LMBR1L: variants seen among roughly 807,000 people sequenced by gnomAD.
The protein encoded by LMBR1L is limb development membrane protein 1 like.
Under a neutral mutation model 67.3 loss-of-function variants are expected in LMBR1L, and 47 were observed. The ratio of observed to expected loss-of-function variants is 0.70; its 90% confidence interval spans 0.55 to 0.89. The LOEUF (loss-of-function observed/expected upper bound fraction) is 0.89, where lower values mean the gene tolerates loss of function less well. Ranked by LOEUF, LMBR1L falls within the 40% of genes least tolerant of loss-of-function variation. The pLI is 0.00. For synonymous variants in LMBR1L, 247 were observed against 250.3 expected, an observed-to-expected ratio of 0.99 and a Z score of 0.13; for missense variants, 533 against 599.2, an observed-to-expected ratio of 0.89 and a Z score of 1.15.
In LMBR1L at chr12:49,104,742, ACAC is replaced by A. The variant is rs1429722478; in HGVS notation, c.331+1_331+3del. 6.2e-7 allele frequency: 1 copy of A among 1,613,288 alleles called. No individual in the cohort carries two copies. The highest frequency in any genetic ancestry group is 1.1e-5 in the South Asian group (1 of 90,898). On this transcript the variant is annotated splice_donor_variant and splice_donor_region_variant and intron_variant, in intron 4 of 16. Transcript: ENST00000267102. LOFTEE classifies it high-confidence loss of function. ...ACCCCAAGCAGCTTCCAGGAGCCAC[ACAC>A]CATGGATGAGGGAGCCGTTGAGCCA...
chr12:49,104,842 C>T lies in LMBR1L; in HGVS notation c.235G>A (p.Val79Ile), dbSNP rs1463181262. Reference sequence around the variant, plus strand: ...ATGATGGAGAAGGGCAGGAGCAGGACAGCACCCAGGGCAATTGCCAGGGTA... The same window carrying T: ...ATGATGGAGAAGGGCAGGAGCAGGATAGCACCCAGGGCAATTGCCAGGGTA... The part of the protein sequence containing the change: ...TFTLAIALGA[V>I]LLLPFSIISN... The change falls in exon 4 of 17, where the codon GTC (valine) becomes ATC (isoleucine). Residue 79 changes from valine to isoleucine, a missense_variant. This residue lies in a region of LMBR1L where 246 missense variants were observed against 249.0 expected (regional missense o/e 0.99). Transcript: ENST00000267102. 2 of 1,613,640 alleles carry T rather than the reference C, an allele frequency of 1.2e-6. No homozygotes were observed. Among genetic ancestry groups the T allele is most frequent in the Non-Finnish European group, 8.5e-7 (1 of 1,179,846 alleles).
At chr12:49,106,806 C>T in intron 2 of LMBR1L, 155 bp downstream of exon 2, 1 of 840,834 alleles carries the variant, frequency 1.2e-6, no homozygotes, top group South Asian at 1.4e-5. Context: ...GCCGCCCTTG[C>T]CCCTATCTTG....
Position 49,103,808 on chromosome 12 carries a change from G to T in LMBR1L, c.441C>A (p.Val147=), listed in dbSNP as rs372035817. The T allele has an allele frequency of 6.2e-7, 1 of 1,611,960 alleles. No homozygotes were observed. Among genetic ancestry groups the T allele is most frequent in the African/African-American group, 1.3e-5 (1 of 74,870 alleles). Residue 147 remains valine (V), a synonymous_variant, in exon 6 of 17, where the codon GTC becomes GTA. Coordinates refer to ENST00000267102, the MANE Select transcript of LMBR1L (RefSeq NM_018113.4). ...CCACTGTCTCATAGACCCGGCCCAG[G>T]ACACCCTACGGGAGGAGGCAACCAG... ...SEGFAGSRKG[V]LGRVYETVVM... is the part of the protein sequence containing the mutation.
rs750408798 is a variant in LMBR1L, at chr12:49,097,721, A to C, written c.1421T>G (p.Leu474Arg). The C allele has an allele frequency of 1.9e-6, 3 of 1,613,852 alleles. No individual in the cohort carries two copies. In the Admixed American group the frequency reaches 5.0e-5, roughly 27 times the overall value. Residue 474 changes from leucine to arginine, a missense_variant, in exon 17 of 17, where the codon CTG (leucine) becomes CGG (arginine). By Grantham distance (102) the Leu-to-Arg change is moderately radical. Transcript: ENST00000267102. Reference sequence around the variant, plus strand: ...TGCCTGGGGGAAACCGGAGACGGGCAGCGGCAGTCTGTCCAGCCCTGGAGA... The same window carrying C: ...TGCCTGGGGGAAACCGGAGACGGGCCGCGGCAGTCTGTCCAGCCCTGGAGA... ...IRAFGLDRLP[L>R]PVSGFPQASR...
intron 15 of LMBR1L, among the ~76,000 whole-genome samples, 194 bp from the exon 16 acceptor site, chr12:49,098,299 A>G (rs1014663490): frequency 2.0e-5 from 3 of 152,174 alleles, no homozygotes; most frequent in South Asian, 2.1e-4. Context: ...GCTTGCTTCA[A>G]CTTCGCTTCC....
chr12:49,100,965 G>GC lies in LMBR1L; in HGVS notation c.1082+284dup, dbSNP rs149448579. On this transcript the variant is annotated intron_variant, in intron 13 of 16. Coordinates refer to ENST00000267102, the MANE Select transcript of LMBR1L (RefSeq NM_018113.4). ...GCTGGTCTTGAAATCCTAAACTCAAGCAATCTACCCGCCTCAGCCTCCCAA... is the reference window on the plus strand; with the variant it reads ...GCTGGTCTTGAAATCCTAAACTCAAGCCAATCTACCCGCCTCAGCCTCCCAA... The GC allele has an allele frequency of 2.0e-3, 1,171 of 579,038 alleles. 12 individuals are homozygous for GC. Among genetic ancestry groups the GC allele is most frequent in the African/African-American group, 0.02 (1,061 of 53,102 alleles). 35.9% of individuals were successfully genotyped at this position (579,038 alleles called of 1,614,324 possible).
At chr12:49,104,042 C>T (rs1205981494) in intron 5 of LMBR1L, 1 of 520,358 alleles carries the variant, frequency 1.9e-6, no homozygotes, top group South Asian at 2.9e-5. Context: ...TATTCCTTGT[C>T]ATTGTGTGCT....
At chr12:49,098,634 T>C (rs1939714959) in intron 15 of LMBR1L, among the ~76,000 whole-genome samples, 1 of 152,176 alleles carries the variant, frequency 6.6e-6, no homozygotes, top group Non-Finnish European at 1.5e-5. Context: ...CCCCTCATAA[T>C]ATTATCATAA....
intron 1 of LMBR1L, 151 bp downstream of exon 1, chr12:49,110,333 G>C (rs755014102): frequency 1.4e-6 from 1 of 713,776 alleles, no homozygotes. Context: ...ATCGCTAGCC[G>C]GGCACCCGCC....
intron 15 of LMBR1L, among the ~76,000 whole-genome samples, chr12:49,099,627 G>A (rs570639377): frequency 1.3e-5 from 2 of 151,626 alleles, no homozygotes; most frequent in Non-Finnish European, 2.9e-5. Flanking sequence ...TGTTGCCCAG[G>A]CTGGAGTGCA....
chr12:49,106,698 C>G, intron 2 of LMBR1L: 1 of 1,089,852 alleles, frequency 9.2e-7, no homozygotes, highest in Non-Finnish European at 1.3e-6. Context: ...TCCTTTGGTC[C>G]ACACAATGGA....
chr12:49,105,778 G>A (rs1230264431), intron 3 of LMBR1L, 146 bp downstream of exon 3: 7 of 614,786 alleles, frequency 1.1e-5, no homozygotes, highest in African/African-American at 3.8e-5. Context: ...CCAGGGTGAG[G>A]TAAAGCCGGA....
At chr12:49,108,335 G>A (rs551234842) in intron 1 of LMBR1L, among the ~76,000 whole-genome samples, 46 of 152,092 alleles carry the variant, frequency 3.0e-4, no homozygotes, top group Non-Finnish European at 5.9e-4. Flanking sequence ...AGGCCGAGGC[G>A]GGAGGATCAC....
Position 49,102,881 on chromosome 12 carries a change from A to G in LMBR1L, c.696+6T>C. 2 of 1,613,746 alleles carry G rather than the reference A, an allele frequency of 1.2e-6. No individual in the cohort carries two copies. Among genetic ancestry groups the G allele is most frequent in the Non-Finnish European group, 1.7e-6 (2 of 1,179,684 alleles). On this transcript the variant is annotated splice_donor_region_variant and intron_variant, in intron 8 of 16. Coordinates refer to ENST00000267102, the MANE Select transcript of LMBR1L (RefSeq NM_018113.4). ...GCAGGATCAAAGAGCAAGGAATACC[A>G]CATACCCGGGGCTTGACTAGCAGCT...
intron 4 of LMBR1L, 44 bp from the exon 5 acceptor site, chr12:49,104,595 G>A (rs753988171): frequency 1.3e-6 from 2 of 1,576,396 alleles, no homozygotes; most frequent in African/African-American, 1.3e-5. Flanking sequence ...TAAGGGGAGG[G>A]GCAACCCACA....
intron 1 of LMBR1L, chr12:49,109,619 G>T (rs1423952881): frequency 2.2e-6 from 1 of 448,402 alleles, no homozygotes; most frequent in Admixed American, 2.4e-5. Flanking sequence ...GGAGATGAGG[G>T]TTGCCCTGGT....
chr12:49,103,209 T>G, intron 6 of LMBR1L, 50 bp from the exon 7 acceptor site: 3 of 1,516,232 alleles, frequency 2.0e-6, no homozygotes, highest in Non-Finnish European at 2.7e-6. Context: ...TTACTTACTG[T>G]CCCCAGGCTG....
chr12:49,097,281 G>A lies in LMBR1L; in HGVS notation c.*391C>T. ...TAGGCTCTGCTGGGCCAGAGGCAAG[G>A]GAGACAATCTATCTCCCGAGCCTGC... is the stretch of plus-strand genomic sequence containing the variant. On this transcript the variant is annotated 3_prime_UTR_variant, in exon 17 of 17. Coordinates refer to ENST00000267102, the MANE Select transcript of LMBR1L (RefSeq NM_018113.4). 1 of 213,802 alleles carries A rather than the reference G, an allele frequency of 4.7e-6. No individual in the cohort carries two copies. The highest frequency in any genetic ancestry group is 1.0e-4 in the East Asian group (1 of 9,768). 13.2% of individuals were successfully genotyped at this position (213,802 alleles called of 1,614,324 possible). A position where few individuals can be genotyped will look rare whatever the true frequency, so the allele number is the denominator to read the frequency against.
chr12:49,103,191 ATC>A lies in LMBR1L; in HGVS notation c.563-34_563-33del, dbSNP rs754483099. On this transcript the variant is annotated intron_variant, in intron 6 of 16. Transcript: ENST00000267102. ...ATAAAAAAAAGAGGCATGTCAGCTC[ATC>A]TCTCCTTACTTACTGTCCCCAGGCT... 6 of 1,580,958 alleles carry A rather than the reference ATC, an allele frequency of 3.8e-6. No individual in the cohort carries two copies. The East Asian group carries it at 1.3e-4, about 35-fold the overall frequency.
Sources: allele counts gnomAD v4.1 joint callset (sites outside exome capture counted in the v4.1 genomes callset), GRCh38; gene constraint gnomAD v4.1.1; regional missense constraint gnomAD v4.1.1; transcripts MANE v1.5; gene names NCBI Gene and HGNC (gene_info 2026-07-23, HGNC 2026-07-21).